POTEJ: variants seen among roughly 807,000 people sequenced by gnomAD.
POTEJ encodes the protein POTE ankyrin domain family member J, also known as POTE ankyrin domain family, member J.
POTEJ carries 11 observed loss-of-function variants against 69.0 expected under a neutral mutation model. The observed-to-expected ratio is 0.16, with a 90% confidence interval of 0.10 to 0.26. The LOEUF is 0.26. POTEJ is among the 10% of genes least tolerant of loss of function. The pLI, the probability that POTEJ is intolerant of heterozygous loss-of-function variation, is 1.00. For synonymous variants in POTEJ, 117 were observed against 381.1 expected (o/e 0.31, Z 8.07); for missense variants, 327 against 1,045.5 (o/e 0.31, Z 9.48).
intron 13 of POTEJ, among the ~76,000 whole-genome samples, chr2:130,649,603 A>T (rs1376725391): frequency 3.3e-5 from 5 of 152,182 alleles, no homozygotes; most frequent in Admixed American, 6.5e-5. Flanking sequence ...CCTCTGCCCC[A>T]GCCCTTCTGA....
At chr2:130,640,871 G>A (rs1316720091) in intron 10 of POTEJ, among the ~76,000 whole-genome samples, 1 of 152,190 alleles carries the variant, frequency 6.6e-6, no homozygotes, top group Non-Finnish European at 1.5e-5. Context: ...ATGAGGAATG[G>A]CTATTGATAG....
At position 130,637,694 on chromosome 2, in the gene POTEJ, A is replaced by C. The variant is rs552404507; in HGVS notation, c.1299-925A>C. 2.0e-5 allele frequency among the ~76,000 whole-genome samples: 3 copies of C among 152,406 alleles called. No homozygotes were observed. The South Asian group carries it at 6.2e-4, about 32-fold the overall frequency. ...AAATATATTGTTAGTATGTATGTTAAAAATTAGAGAATGCCAACTTGCAAC... is the reference window on the plus strand; with the variant it reads ...AAATATATTGTTAGTATGTATGTTACAAATTAGAGAATGCCAACTTGCAAC... On this transcript the variant is annotated intron_variant, in intron 9 of 14. Coordinates refer to ENST00000409602, the MANE Select transcript of POTEJ (RefSeq NM_001277083.2).
intron 10 of POTEJ, among the ~76,000 whole-genome samples, chr2:130,642,874 C>A (rs369568049): frequency 0.057 from 5,604 of 97,528 alleles, 1 homozygote; most frequent in Middle Eastern, 0.12. Flanking sequence ...TGCCCTCTAC[C>A]CCTTTTAATC....
At chr2:130,612,762 C>CAAAAA (rs1320771385) in intron 1 of POTEJ, among the ~76,000 whole-genome samples, 1 of 55,844 alleles carries the variant, frequency 1.8e-5, no homozygotes, top group African/African-American at 6.9e-5. Flanking sequence ...GATTCCGTCT[C>CAAAAA]AAAAAAAAAA....
chr2:130,615,351 G>A (rs1354452435), intron 1 of POTEJ, among the ~76,000 whole-genome samples: 1 of 98,278 alleles, frequency 1.0e-5, no homozygotes, highest in African/African-American at 5.0e-5. Flanking sequence ...TTATGTCTTG[G>A]GGAAAAGACT....
At chr2:130,651,772 G>C (rs534246044) in intron 13 of POTEJ, among the ~76,000 whole-genome samples, 2 of 143,824 alleles carry the variant, frequency 1.4e-5, no homozygotes, top group Admixed American at 1.4e-4. Context: ...CAATACTAGT[G>C]ATATTGTTAT....
intron 9 of POTEJ, among the ~76,000 whole-genome samples, chr2:130,636,961 C>T (rs1478224041): frequency 1.4e-5 from 2 of 146,646 alleles, no homozygotes; most frequent in East Asian, 3.9e-4. Context: ...CGCCTGTAGT[C>T]CCAGCTGCTA....
chr2:130,640,827 T>G (rs1422970797), intron 10 of POTEJ, among the ~76,000 whole-genome samples: 1 of 152,224 alleles, frequency 6.6e-6, no homozygotes, highest in East Asian at 1.9e-4. Flanking sequence ...ATATTAAATA[T>G]CCCAATAGAC....
At chr2:130,647,984 T>C (rs1267195815) in intron 13 of POTEJ, among the ~76,000 whole-genome samples, 6 of 147,314 alleles carry the variant, frequency 4.1e-5, no homozygotes, top group Admixed American at 3.4e-4. Context: ...ATTTATAAAA[T>C]AAGATTATTT....
At chr2:130,637,476 G>A (rs1330857102) in intron 9 of POTEJ, among the ~76,000 whole-genome samples, 3,243 of 146,610 alleles carry the variant, frequency 0.022, no homozygotes, top group African/African-American at 0.081. Context: ...AATTTTTGAA[G>A]CATTCTATAT....
At chr2:130,624,807 T>C (rs1249807149) in intron 6 of POTEJ, among the ~76,000 whole-genome samples, 1 of 152,100 alleles carries the variant, frequency 6.6e-6, no homozygotes, top group Non-Finnish European at 1.5e-5. Flanking sequence ...TCACTATTAC[T>C]GACTTCATTC....
intron 13 of POTEJ, among the ~76,000 whole-genome samples, chr2:130,651,781 A>G (rs1242704764): frequency 1.4e-5 from 2 of 144,646 alleles, no homozygotes; most frequent in Admixed American, 6.9e-5. Context: ...TGATATTGTT[A>G]TGCATTTTTA....
intron 13 of POTEJ, among the ~76,000 whole-genome samples, chr2:130,647,616 G>A (rs1269931483): frequency 2.0e-5 from 3 of 152,164 alleles, no homozygotes; most frequent in Admixed American, 1.3e-4. Flanking sequence ...GTGTGATCAT[G>A]GCTCACTGCA....
intron 6 of POTEJ, among the ~76,000 whole-genome samples, chr2:130,624,548 C>T (rs1236663080): frequency 1.7e-4 from 26 of 152,110 alleles, no homozygotes; most frequent in Non-Finnish European, 1.9e-4. Context: ...AGAGTACAGG[C>T]GGTAATATGA....
chr2:130,637,965 A>G (rs970387383), intron 9 of POTEJ, among the ~76,000 whole-genome samples: 1 of 147,596 alleles, frequency 6.8e-6, no homozygotes, highest in Non-Finnish European at 1.5e-5. Flanking sequence ...TTATGAAAAA[A>G]TTTAGTTACA....
At chr2:130,650,538 G>A (rs187373429) in intron 13 of POTEJ, among the ~76,000 whole-genome samples, 1 of 149,996 alleles carries the variant, frequency 6.7e-6, no homozygotes, top group South Asian at 2.1e-4. Flanking sequence ...TTTATCCCAG[G>A]TATATTGTTT....
chr2:130,615,451 G>T (rs1685379548), intron 1 of POTEJ, among the ~76,000 whole-genome samples: 1 of 131,750 alleles, frequency 7.6e-6, no homozygotes, highest in South Asian at 2.3e-4. Flanking sequence ...CATGTCCTTT[G>T]CAGGGACATG....
chr2:130,651,743 G>A (rs1250896770), intron 13 of POTEJ, among the ~76,000 whole-genome samples: 1 of 141,254 alleles, frequency 7.1e-6, no homozygotes, highest in East Asian at 2.0e-4. Flanking sequence ...TCCTTTTCTT[G>A]TTCACTTTTT....
chr2:130,642,127 G>T (rs1265833442), intron 10 of POTEJ, among the ~76,000 whole-genome samples: 1 of 149,612 alleles, frequency 6.7e-6, no homozygotes, highest in South Asian at 2.1e-4. Context: ...AATGTGCTTT[G>T]TGTTTTTCCC....
Sources: gnomAD v4.1 joint callset for allele counts (sites outside exome capture counted in the v4.1 genomes callset) on GRCh38, gnomAD v4.1.1 for gene constraint, MANE v1.5 for transcripts, NCBI Gene and HGNC (gene_info 2026-07-23, HGNC 2026-07-21) for gene names.